Variants in RASGRF2 observed in about 807,000 individuals in gnomAD.
RASGRF2 encodes Ras protein specific guanine nucleotide releasing factor 2, also known as ras-specific guanine nucleotide-releasing factor 2.
In RASGRF2, 76 loss-of-function variants were observed where a neutral mutation model predicts 151.0. The observed-to-expected ratio is 0.50, with a 90% CI of 0.42 to 0.61. The LOEUF is 0.61. RASGRF2 is among the 20% of genes least tolerant of loss of function. The pLI is 0.00. For missense variants in RASGRF2, 1,148 were observed against 1,564.6 expected, an observed-to-expected ratio of 0.73 and a Z score of 4.49; for synonymous variants, 504 against 566.5, an observed-to-expected ratio of 0.89 and a Z score of 1.57.
chr5:81,013,379 C>T (rs1458725611), intron 1 of RASGRF2, among the ~76,000 whole-genome samples: 1 of 152,198 alleles, frequency 6.6e-6, no homozygotes, highest in Non-Finnish European at 1.5e-5. Context: ...GTTACTCGGA[C>T]ATATCTCAGT....
chr5:81,061,997 C>CAAAAA (rs34991044), intron 2 of RASGRF2, among the ~76,000 whole-genome samples: 1 of 43,998 alleles, frequency 2.3e-5, no homozygotes, highest in Non-Finnish European at 4.2e-5. Flanking sequence ...TCCCAGCTGA[C>CAAAAA]AAAAAAAAAA....
intron 1 of RASGRF2, among the ~76,000 whole-genome samples, chr5:80,989,958 C>T (rs1163317869): frequency 6.6e-6 from 1 of 152,170 alleles, no homozygotes. Flanking sequence ...GTCTGGATTG[C>T]TTATTGGACT....
At chr5:81,111,882 C>T (rs369354673) in intron 13 of RASGRF2, among the ~76,000 whole-genome samples, 7 of 152,160 alleles carry the variant, frequency 4.6e-5, no homozygotes, top group East Asian at 1.9e-4. Context: ...GAAATAACTG[C>T]GGATATAGCA....
intron 1 of RASGRF2, among the ~76,000 whole-genome samples, chr5:81,027,612 C>G (rs773890336): frequency 6.6e-6 from 1 of 152,186 alleles, no homozygotes. Flanking sequence ...CCTTATAACT[C>G]CCATCTGCCC....
At chr5:81,083,319 G>A (rs1383779080) in intron 7 of RASGRF2, among the ~76,000 whole-genome samples, 2 of 149,980 alleles carry the variant, frequency 1.3e-5, no homozygotes, top group Non-Finnish European at 3.0e-5. Context: ...GGTGACCCTA[G>A]TTTATACTGC....
rs568982901 is a variant in RASGRF2 at position 81,031,897 on chromosome 5, C to T, written c.289-10980C>T. On this transcript the variant is annotated intron_variant, in intron 1 of 26. Coordinates refer to ENST00000265080, the MANE Select transcript of RASGRF2 (RefSeq NM_006909.3). ...GAAAAGATCAACAAAATTGATAGAC[C>T]GCTAGCAAGACTAATAAAGAAGAAA... Among the ~76,000 whole-genome samples the T allele has an allele frequency of 2.0e-4, 30 of 151,914 alleles. No individual in the cohort carries two copies. The South Asian group carries it at 4.8e-3, about 24-fold the overall frequency.
intron 1 of RASGRF2, among the ~76,000 whole-genome samples, chr5:81,001,598 G>A (rs1749083391): frequency 6.6e-6 from 1 of 152,040 alleles, no homozygotes; most frequent in Non-Finnish European, 1.5e-5. Flanking sequence ...CCTATTCCTG[G>A]GCTATTGAAA....
chr5:81,140,144 A>C (rs1753849624), intron 17 of RASGRF2, among the ~76,000 whole-genome samples: 1 of 152,084 alleles, frequency 6.6e-6, no homozygotes, highest in South Asian at 2.1e-4. Flanking sequence ...CTGACTTTGA[A>C]ACTAGATTAG....
intron 17 of RASGRF2, among the ~76,000 whole-genome samples, chr5:81,177,511 G>A (rs1344773175): frequency 1.3e-5 from 2 of 151,122 alleles, no homozygotes; most frequent in South Asian, 4.2e-4. Context: ...ATACAACTTA[G>A]TAAGTTCATA....
In RASGRF2 at chr5:81,092,897, T is replaced by G. The variant is rs760284476; in HGVS notation, c.1487T>G (p.Phe496Cys). ...SLKKEGERQC[F>C]LFTKHFLICT... ...AAAAAGGAAGGAGAGAGACAATGCTTCTTATTTACAAAACACTTTTTAATA... is the reference window on the plus strand; with the variant it reads ...AAAAAGGAAGGAGAGAGACAATGCTGCTTATTTACAAAACACTTTTTAATA... Residue 496 changes from phenylalanine (F) to cysteine (C), a missense_variant, in exon 10 of 27, where the codon TTC becomes TGC. Around this residue, in one of 5 missense-constraint regions of RASGRF2, gnomAD observed 646 missense variants for 807.4 expected, o/e 0.80. Coordinates refer to ENST00000265080, the MANE Select transcript of RASGRF2 (RefSeq NM_006909.3). The G allele has an allele frequency of 1.1e-5, 18 of 1,612,672 alleles. No homozygotes were observed. The South Asian group carries it at 1.5e-4, about 14-fold the overall frequency.
intron 1 of RASGRF2, among the ~76,000 whole-genome samples, chr5:81,023,132 G>A (rs1189804082): frequency 1.3e-5 from 2 of 152,142 alleles, no homozygotes; most frequent in African/African-American, 2.4e-5. Context: ...TTCCATTTTG[G>A]ATGTAATAGG....
chr5:81,022,957 G>A (rs968009971), intron 1 of RASGRF2, among the ~76,000 whole-genome samples: 2 of 152,148 alleles, frequency 1.3e-5, no homozygotes, highest in African/African-American at 2.4e-5. Context: ...AACCAAATGG[G>A]CAAGGGCTGA....
At chr5:81,090,262 G>A (rs1299752581) in intron 9 of RASGRF2, among the ~76,000 whole-genome samples, 2 of 152,074 alleles carry the variant, frequency 1.3e-5, no homozygotes, top group Non-Finnish European at 2.9e-5. Context: ...AAGAATAAGG[G>A]GCATAGTCTT....
chr5:81,113,464 A>G (rs1006706274), intron 14 of RASGRF2, 74 bp from the exon 15 acceptor site: 1 of 1,452,252 alleles, frequency 6.9e-7, no homozygotes, highest in Non-Finnish European at 9.5e-7. Context: ...TGAAGGGAAC[A>G]TGTTCTTGAA....
chr5:81,002,577 C>T (rs1213368077), intron 1 of RASGRF2, among the ~76,000 whole-genome samples: 1 of 152,066 alleles, frequency 6.6e-6, no homozygotes, highest in East Asian at 1.9e-4. Flanking sequence ...TGGGTAAATG[C>T]ATCTTTGGAA....
At chr5:81,165,099 G>A (rs1459934356) in intron 17 of RASGRF2, among the ~76,000 whole-genome samples, 1 of 152,080 alleles carries the variant, frequency 6.6e-6, no homozygotes, top group Non-Finnish European at 1.5e-5. Flanking sequence ...TTTTCCAGGG[G>A]CTTAAGGTTT....
chr5:81,199,792 G>A (rs1755344986), intron 18 of RASGRF2, among the ~76,000 whole-genome samples: 1 of 151,372 alleles, frequency 6.6e-6, no homozygotes, highest in South Asian at 2.1e-4. Flanking sequence ...CAGCTGCTCA[G>A]GAGGCTGAGA....
At chr5:80,995,211 G>A (rs951633669) in intron 1 of RASGRF2, among the ~76,000 whole-genome samples, 9 of 146,928 alleles carry the variant, frequency 6.1e-5, no homozygotes, top group African/African-American at 1.5e-4. Flanking sequence ...AGCCGAGATC[G>A]CGCCACTGCC....
chr5:80,981,062 T>G (rs1038602090), intron 1 of RASGRF2, among the ~76,000 whole-genome samples: 2 of 152,222 alleles, frequency 1.3e-5, no homozygotes, highest in Non-Finnish European at 2.9e-5. Context: ...ACTTAAAGTT[T>G]TAGAGCTGCG....
Sources: allele counts gnomAD v4.1 joint callset (sites outside exome capture counted in the v4.1 genomes callset), GRCh38; gene constraint gnomAD v4.1.1; regional missense constraint gnomAD v4.1.1; transcripts MANE v1.5; gene names NCBI Gene and HGNC (gene_info 2026-07-23, HGNC 2026-07-21).